The following CD300E variants were observed in gnomAD, a reference collection of about 807,000 sequenced individuals.
CD300E encodes the protein CD300e molecule.
A neutral mutation model predicts 20.9 loss-of-function variants in CD300E; 14 were observed. That is an observed-to-expected ratio of 0.67 (90% CI 0.44 to 1.05). The LOEUF (loss-of-function observed/expected upper bound fraction) is 1.05, where lower values mean the gene tolerates loss of function less well. CD300E is among the 50% of genes least tolerant of loss of function. The pLI is 0.00. For missense variants in CD300E, 237 were observed against 253.9 expected, an observed-to-expected ratio of 0.93 and a Z score of 0.45; for synonymous variants, 102 against 103.7, an observed-to-expected ratio of 0.98 and a Z score of 0.10.
Position 74,612,597 on chromosome 17 carries a change from C to G in CD300E, c.*56G>C, listed in dbSNP as rs1337347187. 1.3e-6 allele frequency: 2 copies of G among 1,598,842 alleles called. No individual in the cohort carries two copies. Among genetic ancestry groups the G allele is most frequent in the Non-Finnish European group, 1.7e-6 (2 of 1,174,950 alleles). On this transcript the variant is annotated 3_prime_UTR_variant, in exon 4 of 4. Transcript: ENST00000392619. ...CGCATCCAGTCTGAAAGGTTGACTC[C>G]CTGCACGGGGCACTCCTGGGGATGG...
intron 2 of CD300E, 120 bp downstream of exon 2, chr17:74,616,998 A>G (rs1220842627): frequency 1.1e-6 from 1 of 874,600 alleles, no homozygotes. Context: ...GGCTCCTCCC[A>G]ACACCACTGT....
rs2030764995 is a variant in CD300E, at chr17:74,611,064, G to T, written c.*1589C>A. 6.6e-6 allele frequency: 1 copy of T among 152,208 alleles called. No individual in the cohort carries two copies. The highest frequency in any genetic ancestry group is 6.5e-5 in the Admixed American group (1 of 15,290). The allele number at this position is 152,208 out of a possible 1,614,324, so 9.4% of individuals were successfully genotyped here. ...TCAGGAAGCATCTCTTGTGGCTCTA[G>T]AGTTCTTCCTATGCTGTAATGACTT... On this transcript the variant is annotated 3_prime_UTR_variant, in exon 4 of 4. Transcript: ENST00000392619.
chr17:74,615,451 T>G lies in CD300E; in HGVS notation c.389-1418A>C, dbSNP rs542871239. ...AATGAGTGTAGATTGCATGAAAGTT[T>G]GCAAGTGGAGAAGGAAAGAAACTGA... is the stretch of plus-strand genomic sequence containing the variant. On this transcript the variant is annotated intron_variant, in intron 2 of 3. Coordinates refer to ENST00000392619, the MANE Select transcript of CD300E (RefSeq NM_181449.3). Among the ~76,000 whole-genome samples the G allele has an allele frequency of 2.0e-5, 3 of 150,926 alleles. No homozygotes were observed. In the South Asian group the frequency reaches 6.3e-4, roughly 32 times the overall value.
At chr17:74,621,908 TG>T (rs1477959815) in intron 1 of CD300E, among the ~76,000 whole-genome samples, 1 of 152,180 alleles carries the variant, frequency 6.6e-6, no homozygotes, top group Non-Finnish European at 1.5e-5. Flanking sequence ...TATTTGGAAG[TG>T]TTTATAGGTT....
chr17:74,613,831 C>G (rs768314979), intron 3 of CD300E, 94 bp downstream of exon 3: 36 of 714,078 alleles, frequency 5.0e-5, no homozygotes, highest in Admixed American at 4.4e-5. Context: ...AAACAGCAGA[C>G]AGTGACGATC....
intron 1 of CD300E, among the ~76,000 whole-genome samples, chr17:74,618,809 C>T (rs555825415): frequency 5.9e-5 from 9 of 152,192 alleles, no homozygotes; most frequent in African/African-American, 2.2e-4. Context: ...GCACCTGTCA[C>T]CCCCACCCTG....
intron 3 of CD300E, 26 bp from the exon 4 acceptor site, chr17:74,612,799 T>A: frequency 6.2e-7 from 1 of 1,611,924 alleles, no homozygotes; most frequent in Non-Finnish European, 8.5e-7. Flanking sequence ...TGAAAATGAG[T>A]CACTTCCCCG....
At position 74,614,036 on chromosome 17, in the gene CD300E, G is replaced by A. The variant is rs777594284; in HGVS notation, c.389-3C>T. 1.2e-6 allele frequency: 2 copies of A among 1,611,820 alleles called. No homozygotes were observed. Among genetic ancestry groups the A allele is most frequent in the South Asian group, 1.1e-5 (1 of 90,990 alleles). ...GGTCCTCCTTGGGGTTGTAATTGCT[G>A]TTGGAGATGAAAATGATGCATCAGC... On this transcript the variant is annotated splice_polypyrimidine_tract_variant and splice_region_variant and intron_variant, in intron 2 of 3. Transcript: ENST00000392619.
intron 2 of CD300E, among the ~76,000 whole-genome samples, chr17:74,615,160 C>T (rs1463305444): frequency 2.6e-5 from 4 of 152,224 alleles, no homozygotes; most frequent in Non-Finnish European, 4.4e-5. Context: ...CCTAATCCAC[C>T]CCCAGGCCAG....
At chr17:74,621,498 G>C (rs1025125904) in intron 1 of CD300E, among the ~76,000 whole-genome samples, 7 of 152,200 alleles carry the variant, frequency 4.6e-5, no homozygotes, top group Non-Finnish European at 1.0e-4. Flanking sequence ...CTGAATGCAA[G>C]ATTAGCATTT....
intron 1 of CD300E, among the ~76,000 whole-genome samples, chr17:74,623,160 C>T (rs971241644): frequency 8.5e-5 from 13 of 152,230 alleles, no homozygotes; most frequent in African/African-American, 3.1e-4. Flanking sequence ...ATAAGCTATT[C>T]CTTTCCCACT....
intron 3 of CD300E, among the ~76,000 whole-genome samples, 188 bp from the exon 4 acceptor site, chr17:74,612,961 G>C (rs115969935): frequency 1.3e-5 from 2 of 152,148 alleles, no homozygotes; most frequent in South Asian, 4.1e-4. Context: ...AGGACTGCCC[G>C]GGGGGTCTCA....
chr17:74,619,040 A>G (rs2030964557), intron 1 of CD300E: 1 of 469,134 alleles, frequency 2.1e-6, no homozygotes. Context: ...TTCTCCCCCA[A>G]GAACCTGTTG....
intron 2 of CD300E, among the ~76,000 whole-genome samples, chr17:74,616,909 G>A (rs1267322961): frequency 6.6e-6 from 1 of 152,178 alleles, no homozygotes; most frequent in Non-Finnish European, 1.5e-5. Flanking sequence ...CCCTATGGGA[G>A]TGATGGCGCC....
intron 1 of CD300E, among the ~76,000 whole-genome samples, chr17:74,619,568 C>T (rs2030975846): frequency 1.3e-5 from 2 of 152,100 alleles, no homozygotes; most frequent in South Asian, 4.1e-4. Flanking sequence ...TGGGCTCCTT[C>T]AGCCCTGCTA....
chr17:74,617,070 G>T (rs111444615), intron 2 of CD300E, 48 bp downstream of exon 2: 47 of 1,527,492 alleles, frequency 3.1e-5, no homozygotes, highest in Non-Finnish European at 3.8e-5. Context: ...TTGTTCCCTT[G>T]TCCAGTCGCA....
At position 74,612,781 on chromosome 17, in the gene CD300E, G is replaced by T. The variant is rs1030117670; in HGVS notation, c.498-8C>A. ...GGGCTGCTGAGCCGGAACCTGTGGT[G>T]GACACGGTGAAAATGAGTCACTTCC... On this transcript the variant is annotated splice_region_variant and splice_polypyrimidine_tract_variant and intron_variant, in intron 3 of 3. Transcript: ENST00000392619. 1.2e-6 allele frequency: 2 copies of T among 1,613,416 alleles called. No individual in the cohort carries two copies. The highest frequency in any genetic ancestry group is 2.7e-5 in the African/African-American group (2 of 74,884).
chr17:74,615,860 T>C (rs978269098), intron 2 of CD300E, among the ~76,000 whole-genome samples: 1 of 151,928 alleles, frequency 6.6e-6, no homozygotes, highest in African/African-American at 2.4e-5. Context: ...CCAAAGCGGG[T>C]GGATGACTTG....
At chr17:74,613,897 C>A in intron 3 of CD300E, 28 bp downstream of exon 3, 6 of 1,555,022 alleles carry the variant, frequency 3.9e-6, no homozygotes, top group Non-Finnish European at 5.3e-6. Context: ...GTTGCTCCCT[C>A]CATGGCCTCC....
Sources: gnomAD v4.1 joint callset for allele counts (sites outside exome capture counted in the v4.1 genomes callset) on GRCh38, gnomAD v4.1.1 for gene constraint, MANE v1.5 for transcripts, NCBI Gene and HGNC (gene_info 2026-07-23, HGNC 2026-07-21) for gene names.